GSE1: variants seen among roughly 807,000 people sequenced by gnomAD.
GSE1 encodes genetic suppressor element 1.
In GSE1, 32 loss-of-function variants were observed where a neutral mutation model predicts 112.6. The observed-to-expected ratio is 0.28, with a 90% CI of 0.21 to 0.38. The LOEUF is 0.38. GSE1 is among the 10% of genes least tolerant of loss of function. GSE1 has a pLI of 1.00. For missense variants in GSE1, 2,348 were observed against 1,699.2 expected, an observed-to-expected ratio of 1.38 and a Z score of -6.71; for synonymous variants, 1,115 against 735.6, an observed-to-expected ratio of 1.52 and a Z score of -8.35.
chr16:85,573,570 G>T (rs1352112751), intron 1 of GSE1, among the ~76,000 whole-genome samples: 2 of 152,204 alleles, frequency 1.3e-5, no homozygotes, highest in African/African-American at 4.8e-5. Flanking sequence ...TTTCCCAGCT[G>T]TGAAGTGGAG....
At chr16:85,281,028 T>A (rs1450611110) in intron 1 of GSE1, among the ~76,000 whole-genome samples, 5 of 152,140 alleles carry the variant, frequency 3.3e-5, no homozygotes, top group Admixed American at 3.3e-4. Flanking sequence ...TCTGATGGGT[T>A]GCGGGGAAGT....
At chr16:85,662,363 TC>T (rs1400631395) in intron 9 of GSE1, 1 of 153,526 alleles carries the variant, frequency 6.5e-6, no homozygotes, top group Non-Finnish European at 1.4e-5. Context: ...CCAGTTTTCT[TC>T]CTGATGCTGA....
chr16:85,352,281 A>C (rs994433882), intron 1 of GSE1, among the ~76,000 whole-genome samples: 1 of 152,140 alleles, frequency 6.6e-6, no homozygotes, highest in Admixed American at 6.5e-5. Context: ...GTGAATCCCC[A>C]TTTATTTGGA....
At chr16:85,591,884 A>T (rs1035237725) in intron 1 of GSE1, among the ~76,000 whole-genome samples, 1 of 152,166 alleles carries the variant, frequency 6.6e-6, no homozygotes, top group African/African-American at 2.4e-5. Flanking sequence ...TTCTACACTG[A>T]TGGAATGTTC....
chr16:85,337,661 G>C (rs1300952315), intron 1 of GSE1, among the ~76,000 whole-genome samples: 1 of 151,982 alleles, frequency 6.6e-6, no homozygotes, highest in Admixed American at 6.6e-5. Flanking sequence ...TGGGCTGGGG[G>C]CCAGTCACCT....
chr16:85,555,224 C>T, upstream of GSE1: 1 of 985,374 alleles, frequency 1.0e-6, no homozygotes, highest in Non-Finnish European at 1.2e-6. Flanking sequence ...ATGATTCTTG[C>T]ATGAAAATTG....
rs931144147 is a variant in GSE1 at position 85,655,829 on chromosome 16, C to A, written c.901C>A (p.Leu301Ile). 3.1e-6 allele frequency: 5 copies of A among 1,611,280 alleles called. No homozygotes were observed. Among genetic ancestry groups the A allele is most frequent in the Non-Finnish European group, 4.2e-6 (5 of 1,179,662 alleles). Residue 301 changes from leucine (L) to isoleucine (I), a missense_variant, in exon 6 of 16, where the codon CTC becomes ATC. Transcript: ENST00000253458. ...GCACCCATCAGCGATGCACCTGCAC[C>A]TCTCTGGGGTCCGCTACCCTCCCGA... ...PLHPSAMHLH[L>I]SGVRYPPELS...
intron 1 of GSE1, among the ~76,000 whole-genome samples, chr16:85,352,937 G>A (rs1046815047): frequency 2.0e-5 from 3 of 152,268 alleles, no homozygotes; most frequent in Non-Finnish European, 4.4e-5. Context: ...TCAGCAGACA[G>A]TGGTGCCAGG....
At chr16:85,322,663 T>C (rs1320562450) in intron 1 of GSE1, among the ~76,000 whole-genome samples, 1 of 147,726 alleles carries the variant, frequency 6.8e-6, no homozygotes, top group Non-Finnish European at 1.5e-5. Flanking sequence ...TCGCCCAGTC[T>C]CCAGTGCAAT....
At chr16:85,226,707 A>T (rs1035191672) in intron 1 of GSE1, among the ~76,000 whole-genome samples, 2 of 147,524 alleles carry the variant, frequency 1.4e-5, no homozygotes, top group South Asian at 2.1e-4. Context: ...CCCTGCTGGG[A>T]GGTGGCCTGA....
intron 1 of GSE1, among the ~76,000 whole-genome samples, chr16:85,331,581 G>GTGTACATA (rs1555563834): frequency 8.8e-6 from 1 of 114,036 alleles, no homozygotes; most frequent in East Asian, 2.2e-4. Context: ...ATGTGTACAT[G>GTGTACATA]TGTATATATG....
chr16:85,644,059 T>TA (rs1420901617), intron 2 of GSE1, among the ~76,000 whole-genome samples: 1 of 152,044 alleles, frequency 6.6e-6, no homozygotes, highest in Admixed American at 6.6e-5. Context: ...CAGGCACCGT[T>TA]ACTCATGCCT....
At chr16:85,613,051 G>A (rs1490616123), upstream of GSE1, 1 of 412,698 alleles carries the variant, frequency 2.4e-6, no homozygotes, top group East Asian at 5.4e-5. Flanking sequence ...GGCCGGCCGG[G>A]CCGGGGAGGG....
At position 85,235,428 on chromosome 16, in the gene GSE1, C is replaced by CTGTGTGTG. The variant is rs60860144; in HGVS notation, c.2283+63657_2283+63664dup. ...GGGTGAGGGGGGTGATGGAAGGGTA[C>CTGTGTGTG]TGTGTGTGTGTGTGTGTGTGTGTGT... On this transcript the variant is annotated intron_variant, in intron 1 of 2. Transcript: ENST00000637419. 9.1e-3 allele frequency among the ~76,000 whole-genome samples: 1,152 copies of CTGTGTGTG among 126,352 alleles called. 12 individuals carry two copies. The highest frequency in any genetic ancestry group is 0.013 in the African/African-American group (434 of 32,590). The allele number at this position is 126,352 out of a possible 152,430, so 82.9% of individuals were successfully genotyped here.
rs529310366 is a variant in GSE1, at chr16:85,280,530, G to A, written c.2284-76933G>A. ...CCTGCCTCAGCCTCTCGAGTAGCTG[G>A]GACTACAGGCGCCCGCCACCATACC... is the stretch of plus-strand genomic sequence containing the variant. On this transcript the variant is annotated intron_variant, in intron 1 of 2. Transcript: ENST00000637419. 4.1e-3 allele frequency among the ~76,000 whole-genome samples: 622 copies of A among 152,250 alleles called. 3 individuals carry two copies. Among genetic ancestry groups the A allele is most frequent in the South Asian group, 4.8e-3 (23 of 4,816 alleles).
intron 1 of GSE1, among the ~76,000 whole-genome samples, chr16:85,222,488 G>C (rs1328548279): frequency 6.6e-6 from 1 of 152,216 alleles, no homozygotes; most frequent in Non-Finnish European, 1.5e-5. Flanking sequence ...GTGCCTGACG[G>C]TTCACACCAG....
At chr16:85,475,029 CTG>C (rs1163688645) in intron 2 of GSE1, among the ~76,000 whole-genome samples, 4 of 152,304 alleles carry the variant, frequency 2.6e-5, no homozygotes, top group Admixed American at 2.0e-4. Context: ...CCCATGTCCT[CTG>C]TGCTACCACT....
At chr16:85,475,401 G>T (rs912613873) in intron 2 of GSE1, among the ~76,000 whole-genome samples, 1 of 152,212 alleles carries the variant, frequency 6.6e-6, no homozygotes, top group East Asian at 1.9e-4. Context: ...ATGCAGGCAG[G>T]CGGACCGTGT....
At chr16:85,589,522 C>T (rs917474245) in intron 1 of GSE1, among the ~76,000 whole-genome samples, 2 of 152,040 alleles carry the variant, frequency 1.3e-5, no homozygotes, top group Non-Finnish European at 1.5e-5. Flanking sequence ...GAAGGTGGGG[C>T]GGGGGGTCCC....
Sources: gnomAD v4.1 joint callset for allele counts (sites outside exome capture counted in the v4.1 genomes callset) on GRCh38, gnomAD v4.1.1 for gene constraint, MANE v1.5 for transcripts, NCBI Gene and HGNC (gene_info 2026-07-23, HGNC 2026-07-21) for gene names.